The following ZNF365 variants were observed in gnomAD, a reference collection of about 807,000 sequenced individuals.
ZNF365 encodes zinc finger protein 365, also known as protein ZNF365.
Under a neutral mutation model 35.0 loss-of-function variants are expected in ZNF365, and 22 were observed. The observed-to-expected ratio is 0.63, with a 90% confidence interval of 0.45 to 0.90. The LOEUF is 0.90. Ranked by LOEUF, ZNF365 falls within the 40% of genes least tolerant of loss-of-function variation. The pLI is 0.00. For synonymous variants in ZNF365, 188 were observed against 196.2 expected (o/e 0.96, Z 0.35); for missense variants, 448 against 500.3 (o/e 0.90, Z 1.00).
At chr10:62,459,825 T>C in intron 4 of ZNF365, 1 of 1,588,788 alleles carries the variant, frequency 6.3e-7, no homozygotes. Context: ...GTGGGTGGGT[T>C]GGGCCTGGTT....
At chr10:62,432,835 A>G (rs1407337374) in intron 3 of ZNF365, among the ~76,000 whole-genome samples, 2 of 152,236 alleles carry the variant, frequency 1.3e-5, no homozygotes, top group Non-Finnish European at 2.9e-5. Flanking sequence ...ATCAGGAAGA[A>G]GACCACTTCT....
intron 3 of ZNF365, among the ~76,000 whole-genome samples, chr10:62,412,089 C>T (rs1296569172): frequency 6.6e-6 from 1 of 152,070 alleles, no homozygotes; most frequent in African/African-American, 2.4e-5. Context: ...TTATCCATCA[C>T]TATCAAATTG....
Position 62,399,945 on chromosome 10 carries a change from C to A in ZNF365, c.*156C>A, listed in dbSNP as rs1228040904. On this transcript the variant is annotated 3_prime_UTR_variant, in exon 5 of 5. Transcript: ENST00000395254. The stretch of plus-strand genomic sequence containing the variant: ...AGCACCTCAATTAACCAGAGCTTAG[C>A]AAATGGGAATCTTAGTGAACCAGAA... The A allele has an allele frequency of 3.7e-6, 5 of 1,361,898 alleles. No homozygotes were observed. The highest frequency in any genetic ancestry group is 3.0e-5 in the Admixed American group (1 of 32,942). The allele number at this position is 1,361,898 out of a possible 1,614,324, so 84.4% of individuals were successfully genotyped here. A position where few individuals can be genotyped will look rare whatever the true frequency, so the allele number is the denominator to read the frequency against.
At chr10:62,422,299 A>G (rs1258293935) in intron 3 of ZNF365, among the ~76,000 whole-genome samples, 1 of 152,198 alleles carries the variant, frequency 6.6e-6, no homozygotes, top group Non-Finnish European at 1.5e-5. Flanking sequence ...GAAAGAGAAT[A>G]TAAGTCGCTA....
At chr10:62,411,428 T>G (rs10761630) in intron 3 of ZNF365, among the ~76,000 whole-genome samples, 81,498 of 151,952 alleles carry the variant, frequency 0.54, 23,059 homozygotes, top group East Asian at 0.69. Flanking sequence ...ATTTAAGTTT[T>G]TAATCTGTCT....
chr10:62,409,999 CT>C (rs1411665277), intron 3 of ZNF365, among the ~76,000 whole-genome samples: 1 of 152,116 alleles, frequency 6.6e-6, no homozygotes, highest in Admixed American at 6.6e-5. Context: ...CATTTATAGC[CT>C]TTTAGGATCA....
At chr10:62,474,208 G>A (rs1488190995) in intron 4 of ZNF365, among the ~76,000 whole-genome samples, 1 of 152,180 alleles carries the variant, frequency 6.6e-6, no homozygotes, top group African/African-American at 2.4e-5. Context: ...CCATGATCAT[G>A]GCTGGGGCCA....
intron 3 of ZNF365, among the ~76,000 whole-genome samples, chr10:62,410,882 C>A (rs1839975113): frequency 1.3e-5 from 2 of 152,132 alleles, no homozygotes; most frequent in African/African-American, 4.8e-5. Flanking sequence ...AAATAATTTA[C>A]ACTCCCACCA....
chr10:62,375,344 C>G (rs958492938), intron 1 of ZNF365, among the ~76,000 whole-genome samples: 8 of 152,160 alleles, frequency 5.3e-5, no homozygotes, highest in African/African-American at 1.4e-4. Context: ...CAAATCCGTC[C>G]AGAACACTCT....
chr10:62,420,400 C>A (rs915879717), intron 3 of ZNF365, among the ~76,000 whole-genome samples: 8 of 152,160 alleles, frequency 5.3e-5, no homozygotes, highest in African/African-American at 1.9e-4. Context: ...CTTTGTAACA[C>A]TGAGACTTAA....
intron 3 of ZNF365, among the ~76,000 whole-genome samples, chr10:62,450,893 A>T (rs1840672864): frequency 6.6e-6 from 1 of 152,212 alleles, no homozygotes; most frequent in Non-Finnish European, 1.5e-5. Flanking sequence ...CCCTGACATA[A>T]AGTTTATTTT....
chr10:62,384,067 T>C (rs1203781050), intron 2 of ZNF365, among the ~76,000 whole-genome samples: 1 of 152,104 alleles, frequency 6.6e-6, no homozygotes, highest in Non-Finnish European at 1.5e-5. Flanking sequence ...AAGCATGTTT[T>C]CTACTGAAGC....
chr10:62,409,191 T>G (rs952398317), intron 3 of ZNF365, among the ~76,000 whole-genome samples: 10 of 152,148 alleles, frequency 6.6e-5, no homozygotes, highest in African/African-American at 2.4e-4. Context: ...AGGATGTGTA[T>G]AAAATCCTGT....
chr10:62,400,717 T>C lies in ZNF365; in HGVS notation c.*928T>C. The C allele has an allele frequency of 1.0e-6, 1 of 985,714 alleles. No homozygotes were observed. The allele number at this position is 985,714 out of a possible 1,614,324, so 61.1% of individuals were successfully genotyped here. A position where few individuals can be genotyped will look rare whatever the true frequency, so the allele number is the denominator to read the frequency against. On this transcript the variant is annotated 3_prime_UTR_variant, in exon 5 of 5. Coordinates refer to ENST00000395254, the MANE Select transcript of ZNF365 (RefSeq NM_014951.3). ...TTCCTAAGACCTGCTTCCCGGCCAG[T>C]GTCAGTGGCCCTCTCTCTCTCTGCT...
chr10:62,470,153 T>C (rs1841010741), intron 4 of ZNF365, among the ~76,000 whole-genome samples: 1 of 152,158 alleles, frequency 6.6e-6, no homozygotes, highest in South Asian at 2.1e-4. Context: ...TTTGAGTAGC[T>C]TATTTGGGAG....
intron 4 of ZNF365, chr10:62,479,856 C>T (rs573349741): frequency 6.3e-7 from 1 of 1,577,710 alleles, no homozygotes; most frequent in Admixed American, 1.7e-5. Context: ...ACTAACTTTC[C>T]TTTTGGCTTT....
intron 4 of ZNF365, among the ~76,000 whole-genome samples, chr10:62,473,546 A>T (rs891642902): frequency 1.3e-5 from 2 of 151,332 alleles, no homozygotes; most frequent in Middle Eastern, 3.2e-3. Context: ...GTTACGTGAC[A>T]TTGAACAAGT....
intron 3 of ZNF365, among the ~76,000 whole-genome samples, chr10:62,421,646 G>A (rs1049416462): frequency 1.3e-5 from 2 of 152,194 alleles, no homozygotes; most frequent in African/African-American, 4.8e-5. Flanking sequence ...TTTAATGATA[G>A]AGATATGCAA....
chr10:62,409,571 T>C (rs1839955606), intron 3 of ZNF365, among the ~76,000 whole-genome samples: 1 of 152,142 alleles, frequency 6.6e-6, no homozygotes, highest in Non-Finnish European at 1.5e-5. Context: ...TCATTGACTC[T>C]GTGGCACAAA....
Sources: allele counts gnomAD v4.1 joint callset (sites outside exome capture counted in the v4.1 genomes callset), GRCh38; gene constraint gnomAD v4.1.1; transcripts MANE v1.5; gene names NCBI Gene and HGNC (gene_info 2026-07-23, HGNC 2026-07-21).